Variants in GFOD2 observed in about 807,000 individuals in gnomAD.
GFOD2 encodes glucose-fructose oxidoreductase domain-containing protein 2.
GFOD2 carries 9 observed loss-of-function variants against 24.6 expected under a neutral mutation model. The ratio of observed to expected loss-of-function variants is 0.37; its 90% CI spans 0.22 to 0.64. GFOD2 has a LOEUF of 0.64. Among genes scored for constraint, GFOD2 ranks in the 30% least tolerant of loss-of-function variants. GFOD2 has a pLI of 0.65. For synonymous variants in GFOD2, 211 were observed against 224.8 expected, an observed-to-expected ratio of 0.94 and a Z score of 0.55; for missense variants, 476 against 532.5, an observed-to-expected ratio of 0.89 and a Z score of 1.04.
chr16:67,693,821 G>A lies in GFOD2; in HGVS notation c.-87-8019C>T, dbSNP rs2053335021. On this transcript the variant is annotated intron_variant, in intron 1 of 2. Coordinates refer to ENST00000268797, the MANE Select transcript of GFOD2 (RefSeq NM_030819.4). ...TGTAATCCCAGCACTTTGGGAGGCT[G>A]AGGTGGGAGGATTACTTGTGCCCAG... Among the ~76,000 whole-genome samples, 6 of 152,048 alleles carry A rather than the reference G, an allele frequency of 3.9e-5. No individual in the cohort carries two copies. The South Asian group carries it at 1.0e-3, about 26-fold the overall frequency.
chr16:67,715,406 AT>A (rs1266885948), intron 1 of GFOD2, among the ~76,000 whole-genome samples: 2 of 151,684 alleles, frequency 1.3e-5, no homozygotes, highest in Non-Finnish European at 2.9e-5. Context: ...ATGAGAGAAA[AT>A]TTTTTTTTGT....
intron 2 of GFOD2, chr16:67,680,726 T>G (rs1412991893): frequency 2.0e-6 from 2 of 978,876 alleles, no homozygotes; most frequent in African/African-American, 3.5e-5. Context: ...GTCTATGACA[T>G]CATTCAATCT....
chr16:67,699,170 G>A (rs925066302), intron 1 of GFOD2, among the ~76,000 whole-genome samples: 11 of 151,892 alleles, frequency 7.2e-5, no homozygotes, highest in South Asian at 2.1e-4. Context: ...GTGAAACCCC[G>A]TCTCTACTAA....
At chr16:67,681,867 A>G (rs963046786) in intron 2 of GFOD2, 63 of 985,178 alleles carry the variant, frequency 6.4e-5, no homozygotes, top group Non-Finnish European at 6.9e-5. Flanking sequence ...CCTGCCAGGA[A>G]GTCAAGGGAG....
At chr16:67,681,673 G>A (rs1450751419) in intron 2 of GFOD2, 13 of 964,548 alleles carry the variant, frequency 1.3e-5, no homozygotes, top group Non-Finnish European at 1.5e-5. Context: ...GCCTCCCAAA[G>A]TGCTGGATTA....
rs2053251084 is a variant in GFOD2, at chr16:67,684,499, C to T, written c.259+958G>A. ...TCACCTGAGGTCAGGAGTTCGAGACCAGCCTGGCCAATGTGGTGAAACCCT... is the reference window on the plus strand; with the variant it reads ...TCACCTGAGGTCAGGAGTTCGAGACTAGCCTGGCCAATGTGGTGAAACCCT... On this transcript the variant is annotated intron_variant, in intron 2 of 2. Transcript: ENST00000268797. The T allele has an allele frequency of 2.0e-5, 3 of 152,810 alleles. No homozygotes were observed. The Admixed American group carries it at 2.0e-4, about 10-fold the overall frequency. The allele number at this position is 152,810 out of a possible 1,614,324, so 9.5% of individuals were successfully genotyped here.
At chr16:67,714,034 C>T (rs2053492563) in intron 1 of GFOD2, among the ~76,000 whole-genome samples, 1 of 151,936 alleles carries the variant, frequency 6.6e-6, no homozygotes, top group Non-Finnish European at 1.5e-5. Flanking sequence ...TTGCACCAAC[C>T]TATTGAAATT....
intron 1 of GFOD2, among the ~76,000 whole-genome samples, chr16:67,696,047 T>C (rs1352647157): frequency 6.6e-6 from 1 of 151,514 alleles, no homozygotes; most frequent in South Asian, 2.1e-4. Flanking sequence ...TTTCGCTCTT[T>C]TTGCCCAGGC....
At position 67,675,607 on chromosome 16, in the gene GFOD2, T is replaced by A. The variant is rs2053178464; in HGVS notation, c.706A>T (p.Thr236Ser). Residue 236 changes from threonine to serine, a missense_variant, in exon 3 of 3, where the codon ACA becomes TCA. Physicochemically the swap from Thr to Ser is moderately conservative, Grantham distance 58. Transcript: ENST00000268797. ...QMLMGGGVCS[T>S]VTLNFNMPGA... Reference sequence around the variant, plus strand: ...GGCATGTTGAAGTTGAGTGTCACTGTGCTACACACACCCCCACCCATGAGC... The same window carrying A: ...GGCATGTTGAAGTTGAGTGTCACTGAGCTACACACACCCCCACCCATGAGC... 1 of 1,613,344 alleles carries A rather than the reference T, an allele frequency of 6.2e-7. No individual in the cohort carries two copies. Among genetic ancestry groups the A allele is most frequent in the Non-Finnish European group, 8.5e-7 (1 of 1,180,036 alleles).
At chr16:67,698,502 T>TG (rs1285243590) in intron 1 of GFOD2, among the ~76,000 whole-genome samples, 6 of 152,158 alleles carry the variant, frequency 3.9e-5, no homozygotes, top group African/African-American at 1.2e-4. Flanking sequence ...TTCTTTGAGA[T>TG]GGAGTCTTGC....
intron 1 of GFOD2, among the ~76,000 whole-genome samples, chr16:67,687,832 A>T (rs1172514418): frequency 6.9e-6 from 1 of 144,462 alleles, no homozygotes; most frequent in Admixed American, 6.9e-5. Context: ...AAAAAAAATT[A>T]GCCTGGCATG....
intron 1 of GFOD2, among the ~76,000 whole-genome samples, chr16:67,697,937 G>C (rs1047719578): frequency 9.2e-5 from 14 of 152,194 alleles, no homozygotes; most frequent in African/African-American, 3.4e-4. Context: ...AATCTCAAGA[G>C]TTTGGACTTT....
intron 1 of GFOD2, among the ~76,000 whole-genome samples, chr16:67,698,922 T>C (rs892424401): frequency 2.0e-5 from 3 of 152,142 alleles, no homozygotes. Flanking sequence ...CAGTTATCAC[T>C]AGGATTTGGG....
At chr16:67,680,564 C>T (rs2053217644) in intron 2 of GFOD2, 1 of 204,664 alleles carries the variant, frequency 4.9e-6, no homozygotes, top group Non-Finnish European at 8.6e-6. Context: ...CTTCCCCCTC[C>T]TCTCACTTCC....
At chr16:67,681,505 C>G (rs967722393) in intron 2 of GFOD2, 4 of 727,908 alleles carry the variant, frequency 5.5e-6, no homozygotes, top group South Asian at 1.2e-4. Context: ...GCTTCCTGGG[C>G]TCAAGCTAAC....
At chr16:67,688,885 C>T (rs536543706) in intron 1 of GFOD2, among the ~76,000 whole-genome samples, 1 of 151,570 alleles carries the variant, frequency 6.6e-6, no homozygotes, top group African/African-American at 2.4e-5. Context: ...CAGACGCCCC[C>T]CCACCATGCC....
Position 67,675,447 on chromosome 16 carries a change from G to C in GFOD2, c.866C>G (p.Ala289Gly), listed in dbSNP as rs755864907. ...CTGGGGCCCCTGCTCAGGCAGTCCT[G>C]CGCCCACTGCCAGCGAGTCCCTCAA... Reference protein sequence around the residue: ...LLLRDSLAVGAGLPEQGPQDV... With the variant: ...LLLRDSLAVGGGLPEQGPQDV... Residue 289 changes from alanine (A) to glycine (G), a missense_variant, in exon 3 of 3, where the codon GCA (alanine) becomes GGA (glycine). Transcript: ENST00000268797. 1 of 1,612,430 alleles carries C rather than the reference G, an allele frequency of 6.2e-7. No homozygotes were observed.
intron 1 of GFOD2, among the ~76,000 whole-genome samples, chr16:67,697,334 C>T (rs921796007): frequency 2.6e-5 from 4 of 152,096 alleles, no homozygotes; most frequent in Admixed American, 2.0e-4. Flanking sequence ...TGAGTCAGTA[C>T]ATAGGGAATC....
intron 2 of GFOD2, chr16:67,682,385 C>CA: frequency 1.0e-6 from 1 of 985,356 alleles, no homozygotes; most frequent in South Asian, 4.7e-5. Flanking sequence ...AAGAATTGGG[C>CA]ACAGAAGCCC....
Sources: gnomAD v4.1 joint callset for allele counts (sites outside exome capture counted in the v4.1 genomes callset) on GRCh38, gnomAD v4.1.1 for gene constraint, MANE v1.5 for transcripts, NCBI Gene and HGNC (gene_info 2026-07-23, HGNC 2026-07-21) for gene names.